The following GABRB1 variants were observed in gnomAD, a reference collection of about 807,000 sequenced individuals.
The protein encoded by GABRB1 is gamma-aminobutyric acid type A receptor subunit beta1.
A neutral mutation model predicts 51.6 loss-of-function variants in GABRB1; 17 were observed. That is an observed-to-expected ratio of 0.33 (90% CI 0.23 to 0.49). The LOEUF is 0.49. GABRB1 is among the 20% of genes least tolerant of loss of function. The probability of loss-of-function intolerance (pLI) is 0.99; values close to 1 mark genes in which losing one functional copy is unlikely to be tolerated. For synonymous variants in GABRB1, 247 were observed against 218.9 expected (o/e 1.13, Z -1.14); for missense variants, 410 against 600.6 (o/e 0.68, Z 3.32).
intron 5 of GABRB1, among the ~76,000 whole-genome samples, chr4:47,383,278 A>G (rs1727655873): frequency 6.6e-6 from 1 of 152,202 alleles, no homozygotes; most frequent in East Asian, 1.9e-4. Flanking sequence ...AAGAAAATCC[A>G]CTATTTTCTA....
intron 3 of GABRB1, among the ~76,000 whole-genome samples, chr4:47,068,518 G>T (rs992483682): frequency 3.9e-5 from 6 of 152,204 alleles, no homozygotes; most frequent in Non-Finnish European, 8.8e-5. Flanking sequence ...AGAAGTCATT[G>T]TAGGGTTATT....
intron 4 of GABRB1, among the ~76,000 whole-genome samples, chr4:47,269,265 T>C (rs542270722): frequency 2.4e-4 from 37 of 152,318 alleles, no homozygotes; most frequent in African/African-American, 8.7e-4. Flanking sequence ...AACCCTCTAA[T>C]CACAAACCCT....
intron 3 of GABRB1, among the ~76,000 whole-genome samples, chr4:47,046,030 G>A (rs1415586681): frequency 1.3e-5 from 2 of 152,028 alleles, no homozygotes; most frequent in Non-Finnish European, 2.9e-5. Context: ...CCTCCATGCT[G>A]TTTGCATGAT....
At chr4:47,243,606 C>G (rs1021093007) in intron 4 of GABRB1, among the ~76,000 whole-genome samples, 1 of 152,090 alleles carries the variant, frequency 6.6e-6, no homozygotes, top group African/African-American at 2.4e-5. Context: ...CCTTCACATC[C>G]CTTGTAAGTT....
chr4:47,275,069 A>G (rs1040714663), intron 4 of GABRB1, among the ~76,000 whole-genome samples: 2 of 152,170 alleles, frequency 1.3e-5, no homozygotes, highest in African/African-American at 4.8e-5. Context: ...GCAACTTCCA[A>G]TTAAGCCAAT....
intron 4 of GABRB1, among the ~76,000 whole-genome samples, chr4:47,264,374 G>A (rs1458031183): frequency 6.6e-6 from 1 of 152,196 alleles, no homozygotes; most frequent in African/African-American, 2.4e-5. Context: ...ATGTTATGGG[G>A]CAATGGTGAA....
At chr4:47,032,936 CCCT>C in intron 3 of GABRB1, 15 of 334,400 alleles carry the variant, frequency 4.5e-5, no homozygotes, top group Non-Finnish European at 7.9e-5. Flanking sequence ...TGCACCAAGG[CCCT>C]GCCACCGAGA....
intron 3 of GABRB1, among the ~76,000 whole-genome samples, chr4:47,156,670 T>C (rs753682329): frequency 6.6e-6 from 1 of 151,318 alleles, no homozygotes; most frequent in Non-Finnish European, 1.5e-5. Flanking sequence ...AAAAAAAACA[T>C]ATATATGTTG....
intron 4 of GABRB1, among the ~76,000 whole-genome samples, chr4:47,241,905 A>T (rs558820138): frequency 1.2e-4 from 18 of 151,806 alleles, no homozygotes; most frequent in African/African-American, 4.4e-4. Flanking sequence ...TTTTTATTAT[A>T]CTTTAAGTTC....
intron 3 of GABRB1, among the ~76,000 whole-genome samples, chr4:47,098,569 T>C (rs1201845781): frequency 6.6e-6 from 1 of 152,158 alleles, no homozygotes; most frequent in Non-Finnish European, 1.5e-5. Flanking sequence ...GCTGTAGTTG[T>C]TTTAAATTTC....
At chr4:47,202,821 C>A (rs1357480616) in intron 4 of GABRB1, among the ~76,000 whole-genome samples, 2 of 152,142 alleles carry the variant, frequency 1.3e-5, no homozygotes, top group African/African-American at 4.8e-5. Flanking sequence ...AATGCCACTT[C>A]TTTTGAGTTG....
chr4:47,269,350 G>A (rs1722765039), intron 4 of GABRB1, among the ~76,000 whole-genome samples: 2 of 152,236 alleles, frequency 1.3e-5, no homozygotes, highest in East Asian at 3.9e-4. Context: ...AAGCATCATT[G>A]CATTAGTGCA....
At chr4:47,095,462 T>G (rs979107706) in intron 3 of GABRB1, among the ~76,000 whole-genome samples, 1 of 152,190 alleles carries the variant, frequency 6.6e-6, no homozygotes, top group East Asian at 1.9e-4. Context: ...TTCATGTGTA[T>G]GTGTAGGAAC....
chr4:47,406,618 T>C, intron 7 of GABRB1, 64 bp from the exon 8 acceptor site: 1 of 1,601,534 alleles, frequency 6.2e-7, no homozygotes. Context: ...ATCTGTCCTC[T>C]CAATCTTGAA....
intron 8 of GABRB1, among the ~76,000 whole-genome samples, chr4:47,420,413 C>T (rs906109913): frequency 1.3e-4 from 20 of 152,148 alleles, no homozygotes; most frequent in African/African-American, 4.6e-4. Context: ...ATAATTATCC[C>T]ACAGAAGAGT....
At chr4:47,198,572 G>T (rs934982196) in intron 4 of GABRB1, among the ~76,000 whole-genome samples, 1 of 152,122 alleles carries the variant, frequency 6.6e-6, no homozygotes, top group South Asian at 2.1e-4. Context: ...TGTTAAAAGT[G>T]CTAGTGTGAG....
chr4:47,192,168 A>G (rs570985948), intron 4 of GABRB1, among the ~76,000 whole-genome samples: 1 of 152,182 alleles, frequency 6.6e-6, no homozygotes, highest in South Asian at 2.1e-4. Context: ...AAGTTTTCAA[A>G]AGAGAGATAC....
At chr4:47,111,429 T>C (rs1715205536) in intron 3 of GABRB1, among the ~76,000 whole-genome samples, 2 of 148,116 alleles carry the variant, frequency 1.4e-5, no homozygotes, top group South Asian at 4.2e-4. Context: ...TATATATGAA[T>C]TTATATTATA....
chr4:47,057,463 A>G (rs1263950822), intron 3 of GABRB1, among the ~76,000 whole-genome samples: 1 of 152,250 alleles, frequency 6.6e-6, no homozygotes, highest in Non-Finnish European at 1.5e-5. Flanking sequence ...AAACCATCAG[A>G]AGAGAACCTG....
Sources: allele counts gnomAD v4.1 joint callset (sites outside exome capture counted in the v4.1 genomes callset), GRCh38; gene constraint gnomAD v4.1.1; transcripts MANE v1.5; gene names NCBI Gene and HGNC (gene_info 2026-07-23, HGNC 2026-07-21).